The following SIPA1L1 variants were observed in gnomAD, a reference collection of about 807,000 sequenced individuals.
SIPA1L1 encodes signal-induced proliferation-associated 1-like protein 1.
Under a neutral mutation model 162.7 loss-of-function variants are expected in SIPA1L1, and 26 were observed. That is an observed-to-expected ratio of 0.16 (90% CI 0.12 to 0.22). SIPA1L1 has a LOEUF of 0.22. Ranked by LOEUF, SIPA1L1 falls within the 10% of genes least tolerant of loss-of-function variation. SIPA1L1 has a pLI of 1.00. For missense variants in SIPA1L1, 1,874 were observed against 2,241.0 expected (o/e 0.84, Z 3.31); for synonymous variants, 829 against 837.4 (o/e 0.99, Z 0.17).
intron 3 of SIPA1L1, among the ~76,000 whole-genome samples, chr14:71,524,428 C>T (rs189625078): frequency 1.3e-5 from 2 of 152,178 alleles, no homozygotes; most frequent in South Asian, 2.1e-4. Context: ...TTTTTTATTT[C>T]GGGAAACATT....
At chr14:71,536,792 G>A (rs2068083950) in intron 4 of SIPA1L1, among the ~76,000 whole-genome samples, 1 of 152,166 alleles carries the variant, frequency 6.6e-6, no homozygotes, top group African/African-American at 2.4e-5. Context: ...TGTATTGTTG[G>A]AAAATGCTCA....
intron 2 of SIPA1L1, among the ~76,000 whole-genome samples, chr14:71,464,498 C>T (rs116423308): frequency 0.061 from 9,213 of 151,910 alleles, 575 homozygotes; most frequent in African/African-American, 0.15. Flanking sequence ...AAAATTAGCC[C>T]GGCCTGGTGG....
At chr14:71,381,620 A>G (rs1034620585) in intron 2 of SIPA1L1, among the ~76,000 whole-genome samples, 4 of 152,184 alleles carry the variant, frequency 2.6e-5, no homozygotes, top group African/African-American at 9.6e-5. Context: ...GTTCCAGTGA[A>G]TTCCCTTTCC....
At chr14:71,350,478 C>T (rs765958310) in intron 2 of SIPA1L1, among the ~76,000 whole-genome samples, 8 of 152,096 alleles carry the variant, frequency 5.3e-5, no homozygotes, top group Non-Finnish European at 1.0e-4. Flanking sequence ...TGATTGCCAC[C>T]GATTGGCAAA....
intron 19 of SIPA1L1, among the ~76,000 whole-genome samples, chr14:71,728,872 G>A (rs918910790): frequency 2.0e-5 from 3 of 152,186 alleles, no homozygotes; most frequent in Non-Finnish European, 2.9e-5. Context: ...TAAGGTATCT[G>A]CTGTTCTCAG....
At chr14:71,331,791 T>C (rs1342302974) in intron 2 of SIPA1L1, among the ~76,000 whole-genome samples, 1 of 152,160 alleles carries the variant, frequency 6.6e-6, no homozygotes, top group African/African-American at 2.4e-5. Flanking sequence ...GGGCCCCATA[T>C]GAAGGTAGAA....
intron 11 of SIPA1L1, among the ~76,000 whole-genome samples, chr14:71,672,079 A>G (rs1227483295): frequency 1.3e-5 from 2 of 152,148 alleles, no homozygotes; most frequent in Non-Finnish European, 2.9e-5. Flanking sequence ...GTAGCAGTAT[A>G]TGGTTTCTAT....
chr14:71,406,990 C>G (rs1337764671), intron 2 of SIPA1L1, among the ~76,000 whole-genome samples: 1 of 152,078 alleles, frequency 6.6e-6, no homozygotes, highest in South Asian at 2.1e-4. Context: ...ACCTGTAATC[C>G]CAACACTTTG....
At position 71,658,064 on chromosome 14, in the gene SIPA1L1, C is replaced by T. The variant is rs559616181; in HGVS notation, c.1994-269C>T. Among the ~76,000 whole-genome samples the T allele has an allele frequency of 3.2e-4, 48 of 151,886 alleles. No homozygotes were observed. The South Asian group carries it at 9.1e-3, about 29-fold the overall frequency. On this transcript the variant is annotated intron_variant, in intron 8 of 23. Transcript: ENST00000381232. Reference sequence around the variant, plus strand: ...ATATTTAAAATTATTTGATACTGTGCGCTTCGATATAATTTCTTTTGAAAT... The same window carrying T: ...ATATTTAAAATTATTTGATACTGTGTGCTTCGATATAATTTCTTTTGAAAT...
intron 2 of SIPA1L1, among the ~76,000 whole-genome samples, chr14:71,417,480 A>AAAAAAAAAAAAAAAAAC: frequency 7.4e-6 from 1 of 135,260 alleles, no homozygotes; most frequent in Non-Finnish European, 1.6e-5. Context: ...AAAAAAAAAA[A>AAAAAAAAAAAAAAAAAC]AAAAAAAAAA....
intron 12 of SIPA1L1, among the ~76,000 whole-genome samples, chr14:71,683,461 A>G (rs963188304): frequency 4.6e-5 from 7 of 152,220 alleles, no homozygotes; most frequent in Admixed American, 4.6e-4. Flanking sequence ...ATTTTAGTCA[A>G]TATTCCTTTG....
At chr14:71,374,900 A>G (rs2039238767) in intron 2 of SIPA1L1, among the ~76,000 whole-genome samples, 1 of 152,164 alleles carries the variant, frequency 6.6e-6, no homozygotes, top group South Asian at 2.1e-4. Context: ...GCCATCATTC[A>G]GTATTTACAG....
In SIPA1L1 at chr14:71,709,681, G is replaced by A. The variant is rs1358998750; in HGVS notation, c.4208+17G>A. 5 of 1,595,540 alleles carry A rather than the reference G, an allele frequency of 3.1e-6. No individual in the cohort carries two copies. The highest frequency in any genetic ancestry group is 1.1e-5 in the South Asian group (1 of 87,904). On this transcript the variant is annotated intron_variant, in intron 17 of 23. Transcript: ENST00000381232. ...CCACACAAGGTAACCACCCTTCCCC[G>A]CTGTCTGATTCCCAGCCCAGACCTA...
At chr14:71,355,487 T>A (rs2037150641) in intron 2 of SIPA1L1, among the ~76,000 whole-genome samples, 1 of 152,236 alleles carries the variant, frequency 6.6e-6, no homozygotes, top group Non-Finnish European at 1.5e-5. Flanking sequence ...GGCATTCAAA[T>A]ACGGCATTAG....
At chr14:71,448,376 T>C (rs2045571776) in intron 2 of SIPA1L1, among the ~76,000 whole-genome samples, 1 of 152,084 alleles carries the variant, frequency 6.6e-6, no homozygotes, top group African/African-American at 2.4e-5. Flanking sequence ...ATGGAGTAGG[T>C]ATTATCCTCT....
intron 5 of SIPA1L1, among the ~76,000 whole-genome samples, chr14:71,612,303 A>T (rs999906210): frequency 5.3e-5 from 8 of 152,236 alleles, no homozygotes; most frequent in African/African-American, 1.9e-4. Context: ...CACCAGCAAT[A>T]TATGAATATA....
At chr14:71,353,434 G>A (rs562133153) in intron 2 of SIPA1L1, among the ~76,000 whole-genome samples, 1 of 152,316 alleles carries the variant, frequency 6.6e-6, no homozygotes, top group South Asian at 2.1e-4. Context: ...TAATGGAGGA[G>A]CGGAGATGAG....
intron 2 of SIPA1L1, among the ~76,000 whole-genome samples, chr14:71,473,444 C>G (rs192637344): frequency 1.3e-5 from 2 of 152,240 alleles, no homozygotes; most frequent in East Asian, 3.9e-4. Flanking sequence ...GTTTGTTCCC[C>G]CATCCCTTTT....
At chr14:71,477,469 A>C (rs2047968824) in intron 2 of SIPA1L1, among the ~76,000 whole-genome samples, 1 of 152,146 alleles carries the variant, frequency 6.6e-6, no homozygotes, top group African/African-American at 2.4e-5. Flanking sequence ...TTTATGTGGA[A>C]GTATAGAGCA....
Sources: gnomAD v4.1 joint callset for allele counts (sites outside exome capture counted in the v4.1 genomes callset) on GRCh38, gnomAD v4.1.1 for gene constraint, MANE v1.5 for transcripts, NCBI Gene and HGNC (gene_info 2026-07-23, HGNC 2026-07-21) for gene names.